CBARP: variants seen among roughly 807,000 people sequenced by gnomAD.
CBARP encodes voltage-dependent calcium channel beta subunit-associated regulatory protein.
CBARP carries 24 observed loss-of-function variants against 36.3 expected under a neutral mutation model. The ratio of observed to expected loss-of-function variants is 0.66; its 90% confidence interval spans 0.48 to 0.93. The LOEUF (loss-of-function observed/expected upper bound fraction) is 0.93. CBARP is among the 40% of genes least tolerant of loss of function. The pLI, the probability that CBARP is intolerant of heterozygous loss-of-function variation, is 0.00. For synonymous variants in CBARP, 586 were observed against 453.2 expected (o/e 1.29, Z -3.72); for missense variants, 1,146 against 980.4 (o/e 1.17, Z -2.26).
intron 8 of CBARP, among the ~76,000 whole-genome samples, chr19:1,232,170 G>A (rs2080902912): frequency 6.6e-6 from 1 of 152,094 alleles, no homozygotes; most frequent in Admixed American, 6.5e-5. Context: ...ACAGGTTCTG[G>A]GATGTGCTGC....
Position 1,234,732 on chromosome 19 carries a change from T to A in CBARP, c.466A>T (p.Thr156Ser). Residue 156 changes from threonine to serine, a missense_variant, in exon 6 of 10, where the codon ACG becomes TCG. Physicochemically the swap from Thr to Ser is moderately conservative, Grantham distance 58. Coordinates refer to ENST00000650044, the MANE Select transcript of CBARP (RefSeq NM_001393918.1). ...TQDKGRRYTL[T>S]EGDFHHLKNA... ...TTCAGGTGGTGGAAGTCCCCCTCCG[T>A]CAGTGTGTACCTGCGACAGCATCTG... The A allele has an allele frequency of 6.2e-7, 1 of 1,612,710 alleles. No homozygotes were observed. Among genetic ancestry groups the A allele is most frequent in the Non-Finnish European group, 8.5e-7 (1 of 1,179,618 alleles).
At chr19:1,233,331 G>A (rs1453117909) in intron 8 of CBARP, 95 bp downstream of exon 8, 10 of 1,278,674 alleles carry the variant, frequency 7.8e-6, no homozygotes, top group Non-Finnish European at 9.6e-6. Context: ...TCCCCACCCA[G>A]CCCACAACCT....
Position 1,235,773 on chromosome 19 carries a change from T to G in CBARP, c.245+6A>C, listed in dbSNP as rs547658296. On this transcript the variant is annotated splice_donor_region_variant and intron_variant, in intron 3 of 9. Transcript: ENST00000650044. ...CACCTGCCCAGCCGAGGTGGGGGCC[T>G]CGCACCTGTTGAGGCGCTGGTGGAC... 3 of 1,606,824 alleles carry G rather than the reference T, an allele frequency of 1.9e-6. No homozygotes were observed. Among genetic ancestry groups the G allele is most frequent in the Admixed American group, 1.7e-5 (1 of 59,984 alleles).
chr19:1,235,384 G>A lies in CBARP; in HGVS notation c.310+117C>T, dbSNP rs1024849242. On this transcript the variant is annotated intron_variant, in intron 4 of 9. Transcript: ENST00000650044. ...CAGAGATGAGTCGGAATCGAGCTGC[G>A]CCCAGTCTGGTGGGGGAGACAGACA... 1.6e-5 allele frequency: 19 copies of A among 1,222,126 alleles called. 1 individual carries two copies. Among genetic ancestry groups the A allele is most frequent in the South Asian group, 3.1e-5 (2 of 64,566 alleles). 75.7% of individuals were successfully genotyped at this position (1,222,126 alleles called of 1,614,324 possible). A position where few individuals can be genotyped will look rare whatever the true frequency, so the allele number is the denominator to read the frequency against.
Position 1,230,120 on chromosome 19 carries a change from C to T in CBARP, c.1177G>A (p.Gly393Arg). ...GGGGGGGAATCGGGGCTCGCTCCTCCCGCTGCCTCGGCCGCCTCTAGCCTG... is the reference window on the plus strand; with the variant it reads ...GGGGGGGAATCGGGGCTCGCTCCTCTCGCTGCCTCGGCCGCCTCTAGCCTG... ...LGRLEAAEAAGGASPDSPPER... is the reference protein window; with the variant it reads ...LGRLEAAEAARGASPDSPPER... Residue 393 changes from glycine (G) to arginine (R), a missense_variant, in exon 10 of 10, where the codon GGA (glycine) becomes AGA (arginine). By Grantham distance (125) the Gly-to-Arg change is moderately radical (BLOSUM62 -2). Transcript: ENST00000650044. The T allele has an allele frequency of 2.9e-6, 3 of 1,050,288 alleles. No individual in the cohort carries two copies. Among genetic ancestry groups the T allele is most frequent in the Non-Finnish European group, 2.3e-6 (2 of 867,462 alleles). The allele number at this position is 1,050,288 out of a possible 1,614,324, so 65.1% of individuals were successfully genotyped here. A position where few individuals can be genotyped will look rare whatever the true frequency, so the allele number is the denominator to read the frequency against.
chr19:1,235,187 C>A lies in CBARP; in HGVS notation c.311-42G>T, dbSNP rs574383479. 12 of 1,473,606 alleles carry A rather than the reference C, an allele frequency of 8.1e-6. No homozygotes were observed. The African/African-American group carries it at 1.5e-4, about 18-fold the overall frequency. The allele number at this position is 1,473,606 out of a possible 1,614,324, so 91.3% of individuals were successfully genotyped here. A position where few individuals can be genotyped will look rare whatever the true frequency, so the allele number is the denominator to read the frequency against. On this transcript the variant is annotated intron_variant, in intron 4 of 9. Transcript: ENST00000650044. ...GAGAGGGTGGGCCCCGGGCGGGCCA[C>A]GCCAGGCGCCTGGTCCCGGGAGGGC...
In CBARP at chr19:1,228,684, G is replaced by A. The variant is rs1477185270; in HGVS notation, c.*495C>T. ...CGGTGTTGAGCCGCCTCCCGGCCCA[G>A]GGCGGCGAACTCGTCTGCGACCGTT... On this transcript the variant is annotated 3_prime_UTR_variant, in exon 10 of 10. Transcript: ENST00000650044. The A allele has an allele frequency of 6.6e-6, 1 of 151,348 alleles. No homozygotes were observed. Among genetic ancestry groups the A allele is most frequent in the Non-Finnish European group, 1.5e-5 (1 of 68,152 alleles). 9.4% of individuals were successfully genotyped at this position (151,348 alleles called of 1,614,324 possible). A position where few individuals can be genotyped will look rare whatever the true frequency, so the allele number is the denominator to read the frequency against.
At chr19:1,233,972 T>C (rs2080927715) in intron 7 of CBARP, among the ~76,000 whole-genome samples, 1 of 152,082 alleles carries the variant, frequency 6.6e-6, no homozygotes, top group Non-Finnish European at 1.5e-5. Context: ...GAATGTCAAA[T>C]GAGGTGGGAG....
At chr19:1,235,384 G>C in intron 4 of CBARP, 117 bp downstream of exon 4, 1 of 1,222,244 alleles carries the variant, frequency 8.2e-7, no homozygotes, top group Non-Finnish European at 1.1e-6. Context: ...ATCGAGCTGC[G>C]CCCAGTCTGG....
chr19:1,235,171 G>A, intron 4 of CBARP, 26 bp from the exon 5 acceptor site: 1 of 1,521,008 alleles, frequency 6.6e-7, no homozygotes. Context: ...GGAGAGGGTG[G>A]GCCCCGGGCG....
chr19:1,230,053 G>T lies in CBARP; in HGVS notation c.1244C>A (p.Pro415Gln), dbSNP rs753067542. The T allele has an allele frequency of 4.1e-6, 5 of 1,212,244 alleles. No individual in the cohort carries two copies. The highest frequency in any genetic ancestry group is 9.3e-5 in the East Asian group (1 of 10,752). The allele number at this position is 1,212,244 out of a possible 1,614,324, so 75.1% of individuals were successfully genotyped here. A position where few individuals can be genotyped will look rare whatever the true frequency, so the allele number is the denominator to read the frequency against. The change falls in exon 10 of 10, where the codon CCG becomes CAG. Residue 415 changes from proline (P) to glutamine (Q), a missense_variant. Transcript: ENST00000650044. ...AGSAGPEQQQ[P>Q]PLEPDAERDA... ...CCGCTCGGCGTCCGGCTCCAGTGGC[G>T]GCTGCTGCTGCTCAGGCCCCGCGCT...
At chr19:1,230,253 G>C (rs1391914073) in intron 9 of CBARP, 111 bp from the exon 10 acceptor site, 3 of 992,902 alleles carry the variant, frequency 3.0e-6, no homozygotes, top group East Asian at 1.1e-4. Context: ...CTTGGGACTC[G>C]GGCGGGCCTT....
chr19:1,232,108 C>A (rs78584948), intron 8 of CBARP, among the ~76,000 whole-genome samples: 2,847 of 152,216 alleles, frequency 0.019, 50 homozygotes, highest in Admixed American at 0.042. Flanking sequence ...TGCCTCGGCC[C>A]CCTTCTCCCA....
At chr19:1,233,172 G>A (rs865999935) in intron 8 of CBARP, among the ~76,000 whole-genome samples, 10 of 152,294 alleles carry the variant, frequency 6.6e-5, no homozygotes, top group Admixed American at 2.0e-4. Context: ...GAGAGCAGTC[G>A]GGGCGCGCAA....
Position 1,235,138 on chromosome 19 carries a change from G to A in CBARP, c.318C>T (p.Asp106=). Residue 106 remains aspartate (D), a synonymous_variant, in exon 5 of 10, where the codon GAC becomes GAT. Coordinates refer to ENST00000650044, the MANE Select transcript of CBARP (RefSeq NM_001393918.1). ...GGCACTCGGGGTCCTCTCCCCGGAA[G>A]TCGGGGTCTGCGTGGAGAGGCAGGA... ...DNGTHPAQDP[D]FRGEDPECQD... The A allele has an allele frequency of 6.3e-7, 1 of 1,583,430 alleles. No homozygotes were observed. Among genetic ancestry groups the A allele is most frequent in the Non-Finnish European group, 8.6e-7 (1 of 1,165,350 alleles).
chr19:1,235,769 G>A lies in CBARP; in HGVS notation c.245+10C>T, dbSNP rs1408315101. 3.1e-6 allele frequency: 5 copies of A among 1,606,476 alleles called. No individual in the cohort carries two copies. The highest frequency in any genetic ancestry group is 2.2e-5 in the East Asian group (1 of 44,894). ...CATGCACCTGCCCAGCCGAGGTGGG[G>A]GCCTCGCACCTGTTGAGGCGCTGGT... On this transcript the variant is annotated intron_variant, in intron 3 of 9. Transcript: ENST00000650044.
intron 9 of CBARP, chr19:1,230,686 C>CCAGGG: frequency 7.8e-7 from 1 of 1,279,762 alleles, no homozygotes; most frequent in Non-Finnish European, 9.9e-7. Flanking sequence ...GGGAAGTTGC[C>CCAGGG]CTTGGGTTGG....
At position 1,235,474 on chromosome 19, in the gene CBARP, G is replaced by A. The variant is rs771578621; in HGVS notation, c.310+27C>T. 4.4e-5 allele frequency: 68 copies of A among 1,558,122 alleles called. 1 individual carries two copies. The highest frequency in any genetic ancestry group is 1.7e-4 in the Middle Eastern group (1 of 5,868). On this transcript the variant is annotated intron_variant, in intron 4 of 9. Transcript: ENST00000650044. ...CCGAGGGGCGGATGGACAGGCGAGC[G>A]CACAGCCAGGCTGGCCAGCACCTCA... is the stretch of plus-strand genomic sequence containing the variant.
At chr19:1,235,188 G>T (rs775183684) in intron 4 of CBARP, 43 bp from the exon 5 acceptor site, 3 of 1,473,000 alleles carry the variant, frequency 2.0e-6, no homozygotes, top group Non-Finnish European at 2.7e-6. Context: ...GGCGGGCCAC[G>T]CCAGGCGCCT....
Sources: allele counts gnomAD v4.1 joint callset (sites outside exome capture counted in the v4.1 genomes callset), GRCh38; gene constraint gnomAD v4.1.1; transcripts MANE v1.5; gene names NCBI Gene and HGNC (gene_info 2026-07-23, HGNC 2026-07-21).